KCNIP4: variants seen among roughly 807,000 people sequenced by gnomAD.
The protein encoded by KCNIP4 is Kv channel-interacting protein 4.
Under a neutral mutation model 34.0 loss-of-function variants are expected in KCNIP4, and 12 were observed. The observed-to-expected ratio is 0.35, with a 90% CI of 0.23 to 0.57. KCNIP4 has a LOEUF of 0.57. Among genes scored for constraint, KCNIP4 ranks in the 20% least tolerant of loss-of-function variants. The pLI is 0.83. For missense variants in KCNIP4, 238 were observed against 311.7 expected, an observed-to-expected ratio of 0.76 and a Z score of 1.78; for synonymous variants, 124 against 102.2, an observed-to-expected ratio of 1.21 and a Z score of -1.29.
chr4:21,187,724 T>C (rs1359112949), intron 1 of KCNIP4, among the ~76,000 whole-genome samples: 1 of 152,042 alleles, frequency 6.6e-6, no homozygotes, highest in Non-Finnish European at 1.5e-5. Flanking sequence ...TTTCTGCAGG[T>C]ATTTTTCTCT....
chr4:21,422,259 G>A (rs891592707), intron 1 of KCNIP4, among the ~76,000 whole-genome samples: 2 of 150,652 alleles, frequency 1.3e-5, no homozygotes, highest in Non-Finnish European at 2.9e-5. Context: ...GCAGTGCAGT[G>A]GCTCAATCTC....
chr4:21,325,662 T>G (rs1334526883), intron 1 of KCNIP4, among the ~76,000 whole-genome samples: 2 of 151,920 alleles, frequency 1.3e-5, no homozygotes, highest in African/African-American at 4.8e-5. Flanking sequence ...CTCTTGCTCT[T>G]CTAGCTCTTT....
At chr4:21,303,452 T>C (rs1027102055) in intron 1 of KCNIP4, among the ~76,000 whole-genome samples, 10 of 152,200 alleles carry the variant, frequency 6.6e-5, no homozygotes, top group Admixed American at 3.9e-4. Flanking sequence ...AAATAAAATT[T>C]GCCGATACAA....
intron 2 of KCNIP4, among the ~76,000 whole-genome samples, chr4:20,866,766 TCC>T (rs1353885028): frequency 1.3e-5 from 2 of 151,910 alleles, no homozygotes; most frequent in Non-Finnish European, 2.9e-5. Flanking sequence ...ATCCTAAAGA[TCC>T]TTTCAAAGGG....
chr4:21,139,865 A>G (rs1751808173), intron 1 of KCNIP4, among the ~76,000 whole-genome samples: 1 of 152,194 alleles, frequency 6.6e-6, no homozygotes, highest in Non-Finnish European at 1.5e-5. Flanking sequence ...AGTGTAGAAG[A>G]AAACACAAGT....
intron 1 of KCNIP4, among the ~76,000 whole-genome samples, chr4:21,502,729 TAA>T (rs1733472044): frequency 6.6e-6 from 1 of 152,152 alleles, no homozygotes; most frequent in Admixed American, 6.6e-5. Flanking sequence ...GGAATCTTAT[TAA>T]AAAGACTTGA....
intron 1 of KCNIP4, among the ~76,000 whole-genome samples, chr4:21,888,650 A>C (rs536069739): frequency 6.6e-6 from 1 of 152,072 alleles, no homozygotes; most frequent in East Asian, 1.9e-4. Context: ...CCCTTTGTTA[A>C]TTTCATATTT....
intron 3 of KCNIP4, among the ~76,000 whole-genome samples, chr4:20,838,202 C>T (rs1201674404): frequency 6.6e-6 from 1 of 152,058 alleles, no homozygotes. Context: ...ATGTACAGTG[C>T]TAAAGGAAGT....
Position 21,916,021 on chromosome 4 carries a change from G to A in KCNIP4, c.61+32550C>T, listed in dbSNP as rs187461363. Among the ~76,000 whole-genome samples the A allele has an allele frequency of 3.6e-3, 550 of 152,292 alleles. 10 individuals carry two copies. Among genetic ancestry groups the A allele is most frequent in the Middle Eastern group, 0.017 (5 of 294 alleles). On this transcript the variant is annotated intron_variant, in intron 1 of 8. Transcript: ENST00000382152. The stretch of plus-strand genomic sequence containing the variant: ...CTGATTCCCAGCCACACAGCTTTTC[G>A]TTTCCAGTTGCTTCAGATGGTATAA...
intron 1 of KCNIP4, among the ~76,000 whole-genome samples, chr4:20,960,580 G>T (rs1426893092): frequency 6.6e-6 from 1 of 152,226 alleles, no homozygotes; most frequent in Non-Finnish European, 1.5e-5. Flanking sequence ...AAGGAAGTTT[G>T]CAAGGAATGG....
chr4:20,894,871 A>G (rs550738626), intron 1 of KCNIP4, among the ~76,000 whole-genome samples: 15 of 152,232 alleles, frequency 9.9e-5, no homozygotes, highest in Non-Finnish European at 2.1e-4. Flanking sequence ...AATAATGCCT[A>G]AGATGCAATG....
chr4:20,907,770 T>A (rs1314109403), intron 1 of KCNIP4, among the ~76,000 whole-genome samples: 4 of 152,166 alleles, frequency 2.6e-5, no homozygotes, highest in Non-Finnish European at 4.4e-5. Context: ...CAGGCTGGAG[T>A]GCAGTGGCGC....
rs28637159 is a variant in KCNIP4 at position 21,040,003 on chromosome 4, T to C, written c.62-157294A>G. Among the ~76,000 whole-genome samples the C allele has an allele frequency of 7.5e-3, 1,149 of 152,270 alleles. 12 individuals are homozygous for C. Among genetic ancestry groups the C allele is most frequent in the African/African-American group, 0.026 (1,084 of 41,548 alleles). ...GGAAGGGGAAGAGCTATGTCTTACATGGCGGCAGGTGAGAGAGTGCGTGTG... is the reference window on the plus strand; with the variant it reads ...GGAAGGGGAAGAGCTATGTCTTACACGGCGGCAGGTGAGAGAGTGCGTGTG... On this transcript the variant is annotated intron_variant, in intron 1 of 8. Transcript: ENST00000382152.
At chr4:20,775,866 C>A (rs530843317) in intron 3 of KCNIP4, among the ~76,000 whole-genome samples, 81 of 152,084 alleles carry the variant, frequency 5.3e-4, no homozygotes, top group Non-Finnish European at 1.1e-3. Flanking sequence ...AGAAAGACTC[C>A]CAGCTATTAG....
rs74820267 is a variant in KCNIP4, at chr4:20,958,130, G to A, written c.62-75421C>T. On this transcript the variant is annotated intron_variant, in intron 1 of 8. Transcript: ENST00000382152. ...TTTCCTTAGTAACCTTCCTCAATAA[G>A]CATTCATAGGAAAGTTTCTTATAGG... Among the ~76,000 whole-genome samples, 919 of 152,236 alleles carry A rather than the reference G, an allele frequency of 6.0e-3. 11 individuals carry two copies. Among genetic ancestry groups the A allele is most frequent in the African/African-American group, 0.021 (876 of 41,534 alleles).
At position 21,659,651 on chromosome 4, in the gene KCNIP4, G is replaced by A. The variant is rs146701975; in HGVS notation, c.61+288920C>T. 2.5e-4 allele frequency among the ~76,000 whole-genome samples: 38 copies of A among 152,036 alleles called. No individual in the cohort carries two copies. The East Asian group carries it at 7.0e-3, about 28-fold the overall frequency. ...AGATTAAGAAAAATTAAATTTCTGT[G>A]GCCTAGGGTGAGTACTTAATAAACC... On this transcript the variant is annotated intron_variant, in intron 1 of 8. Coordinates refer to ENST00000382152, the MANE Select transcript of KCNIP4 (RefSeq NM_025221.6).
rs537224178 is a variant in KCNIP4 at position 21,770,045 on chromosome 4, G to A, written c.61+178526C>T. Among the ~76,000 whole-genome samples, 432 of 152,156 alleles carry A rather than the reference G, an allele frequency of 2.8e-3. 3 individuals carry two copies. Among genetic ancestry groups the A allele is most frequent in the African/African-American group, 9.6e-3 (400 of 41,520 alleles). ...AAAGATACATGTGCGGAACATGCAGGTTTGTTACACAGGTATTCATGTGCC... is the reference window on the plus strand; with the variant it reads ...AAAGATACATGTGCGGAACATGCAGATTTGTTACACAGGTATTCATGTGCC... On this transcript the variant is annotated intron_variant, in intron 1 of 8. Coordinates refer to ENST00000382152, the MANE Select transcript of KCNIP4 (RefSeq NM_025221.6).
chr4:21,045,599 T>C (rs1742362383), intron 1 of KCNIP4, among the ~76,000 whole-genome samples: 1 of 152,170 alleles, frequency 6.6e-6, no homozygotes, highest in African/African-American at 2.4e-5. Flanking sequence ...TTCCTCTTGA[T>C]CCCACTGAAC....
intron 1 of KCNIP4, among the ~76,000 whole-genome samples, chr4:21,189,551 A>G (rs534367562): frequency 7.2e-4 from 109 of 152,362 alleles, no homozygotes; most frequent in African/African-American, 1.3e-3. Context: ...TAAAAGCCCA[A>G]TGATAGCTCA....
Sources: gnomAD v4.1 joint callset for allele counts (sites outside exome capture counted in the v4.1 genomes callset) on GRCh38, gnomAD v4.1.1 for gene constraint, MANE v1.5 for transcripts, NCBI Gene and HGNC (gene_info 2026-07-23, HGNC 2026-07-21) for gene names.